Variants in CDIN1 observed in about 807,000 individuals in gnomAD.
CDIN1 encodes CDAN1-interacting nuclease 1.
CDIN1 carries 33 observed loss-of-function variants against 45.3 expected under a neutral mutation model. That is an observed-to-expected ratio of 0.73 (90% CI 0.55 to 0.97). CDIN1 has a LOEUF of 0.97. Among genes scored for constraint, CDIN1 ranks in the 50% least tolerant of loss-of-function variants. The pLI is 0.00. For synonymous variants in CDIN1, 118 were observed against 124.4 expected (o/e 0.95, Z 0.34); for missense variants, 303 against 339.4 (o/e 0.89, Z 0.84).
chr15:36,765,375 G>C (rs1190567612), intron 10 of CDIN1, among the ~76,000 whole-genome samples: 1 of 152,078 alleles, frequency 6.6e-6, no homozygotes, highest in Non-Finnish European at 1.5e-5. Context: ...TTTTCATAAA[G>C]GAGAAATAAA....
chr15:36,697,466 C>G, intron 8 of CDIN1, 76 bp downstream of exon 8: 1 of 1,178,960 alleles, frequency 8.5e-7, no homozygotes, highest in Non-Finnish European at 1.2e-6. Context: ...AAATCTTCCA[C>G]TAAAGGAAGA....
At chr15:36,728,802 T>C (rs2043736103) in intron 10 of CDIN1, among the ~76,000 whole-genome samples, 2 of 151,836 alleles carry the variant, frequency 1.3e-5, no homozygotes, top group African/African-American at 4.8e-5. Flanking sequence ...GCCTCCCGAG[T>C]AGCTGGGACT....
At chr15:36,645,374 A>G (rs1230000948) in intron 3 of CDIN1, 87 bp downstream of exon 3, 4 of 1,134,944 alleles carry the variant, frequency 3.5e-6, no homozygotes, top group African/African-American at 3.2e-5. Context: ...TTAATTTTCT[A>G]TGTCATATCC....
At chr15:36,641,242 A>G (rs2040092223) in intron 1 of CDIN1, 1 of 152,238 alleles carries the variant, frequency 6.6e-6, no homozygotes, top group Non-Finnish European at 1.5e-5. Context: ...ATAGACATGT[A>G]TAATTACACA....
intron 1 of CDIN1, among the ~76,000 whole-genome samples, chr15:36,597,474 CAT>C (rs2037892884): frequency 6.6e-6 from 1 of 152,178 alleles, no homozygotes; most frequent in South Asian, 2.1e-4. Context: ...TTTGCTCAGA[CAT>C]AAAGCTGTAA....
At chr15:36,759,967 A>G (rs1036779260) in intron 10 of CDIN1, among the ~76,000 whole-genome samples, 14 of 152,174 alleles carry the variant, frequency 9.2e-5, no homozygotes, top group Non-Finnish European at 1.3e-4. Context: ...AATTGAGAAC[A>G]CAATTCAACA....
intron 8 of CDIN1, among the ~76,000 whole-genome samples, chr15:36,698,250 A>G (rs1249529651): frequency 6.6e-6 from 1 of 152,208 alleles, no homozygotes; most frequent in Non-Finnish European, 1.5e-5. Flanking sequence ...ATAAAGTCCT[A>G]CAAAGAATCT....
chr15:36,604,036 A>C (rs2140243938), intron 1 of CDIN1, among the ~76,000 whole-genome samples: 2 of 152,290 alleles, frequency 1.3e-5, no homozygotes, highest in Middle Eastern at 6.8e-3. Flanking sequence ...ACAAAATGTT[A>C]TTGGAAGACA....
At chr15:36,751,062 C>T (rs1306155702) in intron 10 of CDIN1, among the ~76,000 whole-genome samples, 11 of 151,628 alleles carry the variant, frequency 7.3e-5, no homozygotes, top group South Asian at 4.2e-4. Context: ...AACATTTAGA[C>T]GGTACTGGGT....
chr15:36,775,854 T>C (rs979304810), intron 10 of CDIN1, among the ~76,000 whole-genome samples: 1 of 152,238 alleles, frequency 6.6e-6, no homozygotes, highest in Non-Finnish European at 1.5e-5. Context: ...GAATTTTTCT[T>C]TGGTTTCTAC....
intron 1 of CDIN1, among the ~76,000 whole-genome samples, chr15:36,608,597 T>C (rs2063925330): frequency 6.6e-6 from 1 of 152,174 alleles, no homozygotes; most frequent in Admixed American, 6.5e-5. Context: ...AAGTATTTTT[T>C]TCTAGTCTGT....
intron 1 of CDIN1, among the ~76,000 whole-genome samples, chr15:36,593,103 G>A (rs1164157409): frequency 1.3e-5 from 2 of 152,150 alleles, no homozygotes; most frequent in African/African-American, 4.8e-5. Context: ...GATTAGCACG[G>A]TTCCTGATAC....
chr15:36,765,532 G>A (rs1032221540), intron 10 of CDIN1, among the ~76,000 whole-genome samples: 4 of 152,114 alleles, frequency 2.6e-5, no homozygotes, highest in African/African-American at 9.7e-5. Flanking sequence ...GTCAAACACA[G>A]GCCTTCTAAC....
chr15:36,801,370 C>G (rs968711130), intron 10 of CDIN1, among the ~76,000 whole-genome samples: 7 of 152,100 alleles, frequency 4.6e-5, no homozygotes, highest in Non-Finnish European at 8.8e-5. Context: ...TAGTGGTTTT[C>G]TCATAGAGCT....
chr15:36,663,362 A>T (rs1325344571), intron 5 of CDIN1, among the ~76,000 whole-genome samples: 2 of 152,184 alleles, frequency 1.3e-5, no homozygotes, highest in Non-Finnish European at 2.9e-5. Context: ...GTGCTTTTCA[A>T]CAAGACAGAT....
chr15:36,766,284 G>A (rs970293797), intron 10 of CDIN1, among the ~76,000 whole-genome samples: 2 of 152,032 alleles, frequency 1.3e-5, no homozygotes, highest in Admixed American at 6.5e-5. Flanking sequence ...TATGTACTAC[G>A]TATTCTTTAT....
At chr15:36,656,154 A>G (rs1192528671) in intron 4 of CDIN1, among the ~76,000 whole-genome samples, 1 of 152,206 alleles carries the variant, frequency 6.6e-6, no homozygotes, top group Non-Finnish European at 1.5e-5. Flanking sequence ...CTTCTAAACA[A>G]CCAAGGTGCC....
chr15:36,786,823 T>A (rs2141071446), intron 10 of CDIN1, among the ~76,000 whole-genome samples: 1 of 152,278 alleles, frequency 6.6e-6, no homozygotes, highest in African/African-American at 2.4e-5. Context: ...CCTGCAGAGA[T>A]GTCTTGCTCC....
At chr15:36,686,205 A>G (rs2042036999) in intron 5 of CDIN1, among the ~76,000 whole-genome samples, 1 of 151,912 alleles carries the variant, frequency 6.6e-6, no homozygotes, top group South Asian at 2.1e-4. Context: ...TGTGGCACAT[A>G]TACACCATGG....
Sources: gnomAD v4.1 joint callset for allele counts (sites outside exome capture counted in the v4.1 genomes callset) on GRCh38, gnomAD v4.1.1 for gene constraint, MANE v1.5 for transcripts, NCBI Gene and HGNC (gene_info 2026-07-23, HGNC 2026-07-21) for gene names.